Variants in VWA8 observed in about 807,000 individuals in gnomAD.
VWA8 encodes the protein von Willebrand factor A domain containing 8, also known as von Willebrand factor A domain-containing protein 8.
In VWA8, 221 loss-of-function variants were observed where a neutral mutation model predicts 241.5. The ratio of observed to expected loss-of-function variants is 0.91; its 90% CI spans 0.82 to 1.02. VWA8 has a LOEUF of 1.02. VWA8 is among the 50% of genes least tolerant of loss of function. The pLI, the probability that VWA8 is intolerant of heterozygous loss-of-function variation, is 0.00. For synonymous variants in VWA8, 852 were observed against 827.1 expected (o/e 1.03, Z -0.52); for missense variants, 2,322 against 2,328.7 (o/e 1.00, Z 0.06).
At chr13:41,719,771 G>T in intron 25 of VWA8, 29 bp from the exon 26 acceptor site, 1 of 1,584,882 alleles carries the variant, frequency 6.3e-7, no homozygotes, top group Non-Finnish European at 8.6e-7. Flanking sequence ...CCCTTATTAT[G>T]CATGTGATAA....
chr13:41,602,534 A>AT (rs1196624868), intron 40 of VWA8, among the ~76,000 whole-genome samples: 5 of 152,142 alleles, frequency 3.3e-5, no homozygotes, highest in Admixed American at 6.6e-5. Context: ...AATGTAGAAA[A>AT]TTATACATAC....
chr13:41,638,809 G>A (rs1216856374), intron 37 of VWA8, among the ~76,000 whole-genome samples: 2 of 152,164 alleles, frequency 1.3e-5, no homozygotes, highest in African/African-American at 4.8e-5. Context: ...TGAGATCTGT[G>A]GGGTTCAGAA....
At chr13:41,933,974 C>T (rs1167678936) in intron 2 of VWA8, among the ~76,000 whole-genome samples, 5 of 151,762 alleles carry the variant, frequency 3.3e-5, no homozygotes, top group Admixed American at 3.3e-4. Flanking sequence ...GTAAGTTGGA[C>T]TTCATTAAAA....
chr13:41,828,788 C>G (rs1040924533), intron 14 of VWA8, among the ~76,000 whole-genome samples: 23 of 152,116 alleles, frequency 1.5e-4, no homozygotes, highest in African/African-American at 5.6e-4. Context: ...ATATCATTAT[C>G]ATACTTAAGG....
chr13:41,948,085 T>C (rs538178715), intron 2 of VWA8, among the ~76,000 whole-genome samples: 1 of 152,268 alleles, frequency 6.6e-6, no homozygotes, highest in South Asian at 2.1e-4. Context: ...TATGGATGCT[T>C]GGAGTGGCAA....
chr13:41,841,859 A>AT (rs1566478204), intron 12 of VWA8, among the ~76,000 whole-genome samples: 5,111 of 72,792 alleles, frequency 0.07, 614 homozygotes, highest in Non-Finnish European at 0.084. Flanking sequence ...ATATATATAT[A>AT]AAAACAGTAG....
At chr13:41,689,864 A>G (rs999563179) in intron 33 of VWA8, among the ~76,000 whole-genome samples, 3 of 152,110 alleles carry the variant, frequency 2.0e-5, no homozygotes, top group Admixed American at 6.6e-5. Context: ...TAAATTAAAT[A>G]GAAATCCCAA....
Position 41,912,050 on chromosome 13 carries a change from A to G in VWA8, c.360T>C (p.Ala120=), listed in dbSNP as rs771768570. The change falls in exon 3 of 45, where the codon GCT becomes GCC. Residue 120 remains alanine (A), a synonymous_variant. Transcript: ENST00000379310. ...ATTAACTGCTCACCAAGTACTGCAT[A>G]GCAATAGAGCGTCGAAGAGGCCCAG... ...GPPGPLRRSI[A]MQYLELTKRE... The G allele has an allele frequency of 6.3e-7, 1 of 1,590,388 alleles. No homozygotes were observed. The highest frequency in any genetic ancestry group is 8.6e-7 in the Non-Finnish European group (1 of 1,166,486).
chr13:41,719,576 C>G lies in VWA8; in HGVS notation c.3116+15G>C. ...TCAGCATTTAAGAATCAGAAGAGTA[C>G]TGAATTTGCCTTACTCCTTTGCCAG... is the stretch of plus-strand genomic sequence containing the variant. On this transcript the variant is annotated intron_variant, in intron 26 of 44. Coordinates refer to ENST00000379310, the MANE Select transcript of VWA8 (RefSeq NM_015058.2). 1 of 1,612,192 alleles carries G rather than the reference C, an allele frequency of 6.2e-7. No homozygotes were observed. The highest frequency in any genetic ancestry group is 8.5e-7 in the Non-Finnish European group (1 of 1,178,890).
chr13:41,774,111 C>T (rs762931056), intron 20 of VWA8, among the ~76,000 whole-genome samples: 24 of 152,104 alleles, frequency 1.6e-4, no homozygotes, highest in Non-Finnish European at 3.4e-4. Flanking sequence ...ATCATTTTGG[C>T]TACTCATTAG....
At chr13:41,919,935 G>A (rs1053589437) in intron 2 of VWA8, among the ~76,000 whole-genome samples, 10 of 152,118 alleles carry the variant, frequency 6.6e-5, no homozygotes, top group African/African-American at 2.4e-4. Flanking sequence ...CTGTGCCTCT[G>A]CCCTACAGGT....
Position 41,748,582 on chromosome 13 carries a change from T to C in VWA8, c.2426+12546A>G, listed in dbSNP as rs191352421. On this transcript the variant is annotated intron_variant, in intron 21 of 44. Transcript: ENST00000379310. Reference sequence around the variant, plus strand: ...ATCCACTGATTTTTTGAAGGGTTTTTTTGTGTCTCTATCTCCTTCAGTTCT... The same window carrying C: ...ATCCACTGATTTTTTGAAGGGTTTTCTTGTGTCTCTATCTCCTTCAGTTCT... 6.7e-4 allele frequency among the ~76,000 whole-genome samples: 102 copies of C among 152,322 alleles called. 1 individual carries two copies. Among genetic ancestry groups the C allele is most frequent in the African/African-American group, 2.2e-3 (93 of 41,580 alleles).
At chr13:41,783,555 TTGAACCTGGGAGG>T (rs1868992930) in intron 19 of VWA8, among the ~76,000 whole-genome samples, 2 of 151,726 alleles carry the variant, frequency 1.3e-5, no homozygotes. Flanking sequence ...GAAGAATCGC[TTGAACCTGGGAGG>T]TGGAGGTTGC....
At chr13:41,668,801 T>A (rs373004428) in intron 37 of VWA8, among the ~76,000 whole-genome samples, 2 of 152,158 alleles carry the variant, frequency 1.3e-5, no homozygotes, top group Non-Finnish European at 1.5e-5. Flanking sequence ...TTTGAGTATG[T>A]ATATAAGTAT....
rs115273656 is a variant in VWA8, at chr13:41,593,499, T to C, written c.4987-2734A>G. Among the ~76,000 whole-genome samples, 328 of 152,318 alleles carry C rather than the reference T, an allele frequency of 2.2e-3. 2 individuals are homozygous for C. Among genetic ancestry groups the C allele is most frequent in the African/African-American group, 7.6e-3 (314 of 41,584 alleles). ...TAGAATCTCTTCCTACTGATCTATC[T>C]GTGAATCAGACAGACAACCTTGACC... is the stretch of plus-strand genomic sequence containing the variant. On this transcript the variant is annotated intron_variant, in intron 40 of 44. Coordinates refer to ENST00000379310, the MANE Select transcript of VWA8 (RefSeq NM_015058.2).
chr13:41,760,548 G>T lies in VWA8; in HGVS notation c.2426+580C>A, dbSNP rs556020862. The stretch of plus-strand genomic sequence containing the variant: ...TGACTTATCTATTTTGTTTTTGGTG[G>T]ATCTATCATTTATATTTTATTTTCT... On this transcript the variant is annotated intron_variant, in intron 21 of 44. Coordinates refer to ENST00000379310, the MANE Select transcript of VWA8 (RefSeq NM_015058.2). Among the ~76,000 whole-genome samples, 8 of 151,580 alleles carry T rather than the reference G, an allele frequency of 5.3e-5. No individual in the cohort carries two copies. The South Asian group carries it at 1.7e-3, about 32-fold the overall frequency.
chr13:41,945,657 T>C (rs1877817558), intron 2 of VWA8, among the ~76,000 whole-genome samples: 1 of 152,096 alleles, frequency 6.6e-6, no homozygotes, highest in East Asian at 1.9e-4. Flanking sequence ...CAACAACAGA[T>C]GTGAGCAGGC....
chr13:41,809,406 A>T (rs778644286), intron 17 of VWA8, among the ~76,000 whole-genome samples: 2 of 152,188 alleles, frequency 1.3e-5, no homozygotes, highest in African/African-American at 2.4e-5. Flanking sequence ...CATAACAGAT[A>T]CATAGACCAA....
intron 2 of VWA8, among the ~76,000 whole-genome samples, chr13:41,918,030 G>A (rs551931524): frequency 1.3e-5 from 2 of 152,230 alleles, no homozygotes; most frequent in South Asian, 4.1e-4. Context: ...GACATGAAGG[G>A]TGAAAATATT....
Sources: allele counts gnomAD v4.1 joint callset (sites outside exome capture counted in the v4.1 genomes callset), GRCh38; gene constraint gnomAD v4.1.1; transcripts MANE v1.5; gene names NCBI Gene and HGNC (gene_info 2026-07-23, HGNC 2026-07-21).